Variants in CPD observed in about 807,000 individuals in gnomAD.
The protein encoded by CPD is carboxypeptidase D.
In CPD, 69 loss-of-function variants were observed where a neutral mutation model predicts 138.3. That is an observed-to-expected ratio of 0.50 (90% CI 0.41 to 0.61). The LOEUF (loss-of-function observed/expected upper bound fraction) is 0.61. CPD is among the 20% of genes least tolerant of loss of function. CPD has a pLI of 0.00. For synonymous variants in CPD, 651 were observed against 642.1 expected (o/e 1.01, Z -0.21); for missense variants, 1,432 against 1,733.3 (o/e 0.83, Z 3.09).
chr17:30,412,896 A>G (rs1055428092), intron 2 of CPD, among the ~76,000 whole-genome samples: 3 of 152,158 alleles, frequency 2.0e-5, no homozygotes, highest in African/African-American at 7.2e-5. Flanking sequence ...CCACTGTCCA[A>G]CCAGTCCCAA....
At chr17:30,426,745 T>C (rs928110972) in intron 6 of CPD, among the ~76,000 whole-genome samples, 1 of 152,206 alleles carries the variant, frequency 6.6e-6, no homozygotes, top group Non-Finnish European at 1.5e-5. Context: ...TTGTGACCTT[T>C]CATTAGTTTT....
In CPD at chr17:30,468,059, G is replaced by T. The variant is rs1913688551; in HGVS notation, c.*3245G>T. ...AGCTAAAATTTTGGGGATATGATTT[G>T]GGTCTTTGATTAATGTCAGCTGAAC... On this transcript the variant is annotated 3_prime_UTR_variant, in exon 21 of 21. Coordinates refer to ENST00000225719, the MANE Select transcript of CPD (RefSeq NM_001304.5). 6.6e-6 allele frequency: 1 copy of T among 152,034 alleles called. No homozygotes were observed. Among genetic ancestry groups the T allele is most frequent in the Non-Finnish European group, 1.5e-5 (1 of 67,966 alleles). The allele number at this position is 152,034 out of a possible 1,614,324, so 9.4% of individuals were successfully genotyped here.
At chr17:30,448,740 T>A (rs1275624886) in intron 12 of CPD, among the ~76,000 whole-genome samples, 3 of 152,214 alleles carry the variant, frequency 2.0e-5, no homozygotes, top group African/African-American at 7.2e-5. Flanking sequence ...CTCAAATTAC[T>A]TTTACTGTGA....
chr17:30,406,958 TCCCCCAGTACCCCACCCG>T (rs1368676865), intron 2 of CPD, among the ~76,000 whole-genome samples: 1 of 152,084 alleles, frequency 6.6e-6, no homozygotes, highest in Non-Finnish European at 1.5e-5. Flanking sequence ...ATGCTATCCC[TCCCCCAGTACCCCACCCG>T]CCTACAGGTC....
At chr17:30,419,487 G>A (rs1038807027) in intron 2 of CPD, among the ~76,000 whole-genome samples, 6 of 152,046 alleles carry the variant, frequency 3.9e-5, no homozygotes, top group African/African-American at 1.4e-4. Flanking sequence ...CTACAGGCAC[G>A]TGCCACCACA....
chr17:30,422,822 C>T lies in CPD; in HGVS notation c.1456C>T (p.Leu486Phe). ...TAGCACAGTTGCTATACCTAATATT[C>T]TTTCTGGAACATCATCCTCCTACCA... ...TASTVAIPNILSGTSSSYQPI... is the reference protein window; with the variant it reads ...TASTVAIPNIFSGTSSSYQPI... Residue 486 changes from leucine to phenylalanine, a missense_variant, in exon 5 of 21, where the codon CTT (leucine) becomes TTT (phenylalanine). This residue lies in a region of CPD where 160 missense variants were observed against 197.9 expected (regional missense o/e 0.81). Coordinates refer to ENST00000225719, the MANE Select transcript of CPD (RefSeq NM_001304.5). 1.9e-6 allele frequency: 3 copies of T among 1,614,084 alleles called. No homozygotes were observed. The highest frequency in any genetic ancestry group is 8.5e-7 in the Non-Finnish European group (1 of 1,179,948).
At chr17:30,397,976 G>A (rs1436252390) in intron 2 of CPD, among the ~76,000 whole-genome samples, 3 of 147,832 alleles carry the variant, frequency 2.0e-5, no homozygotes, top group South Asian at 2.1e-4. Context: ...CCAGGAGTTC[G>A]AGACCAGCCT....
chr17:30,439,591 A>ATATT (rs1912805355), intron 9 of CPD, among the ~76,000 whole-genome samples: 1 of 113,932 alleles, frequency 8.8e-6, no homozygotes, highest in African/African-American at 3.5e-5. Context: ...CCAGAGTGTG[A>ATATT]TATTCCCTTT....
At chr17:30,421,323 A>G (rs1249911658) in intron 3 of CPD, among the ~76,000 whole-genome samples, 2 of 152,164 alleles carry the variant, frequency 1.3e-5, no homozygotes, top group African/African-American at 2.4e-5. Flanking sequence ...CTTTACCACT[A>G]TATGAACCAT....
chr17:30,435,697 T>C (rs1171843179), intron 8 of CPD, among the ~76,000 whole-genome samples: 2 of 152,210 alleles, frequency 1.3e-5, no homozygotes, highest in African/African-American at 4.8e-5. Context: ...CTGTATTTGT[T>C]TCCTAGTTCT....
intron 2 of CPD, among the ~76,000 whole-genome samples, chr17:30,406,293 GTC>G (rs1911799816): frequency 6.6e-6 from 1 of 152,006 alleles, no homozygotes; most frequent in African/African-American, 2.4e-5. Flanking sequence ...AAAGAGGCTT[GTC>G]TCCATGAATC....
chr17:30,423,330 G>C (rs184364981), intron 5 of CPD, among the ~76,000 whole-genome samples, 176 bp from the exon 6 acceptor site: 1 of 152,108 alleles, frequency 6.6e-6, no homozygotes, highest in Non-Finnish European at 1.5e-5. Context: ...TCAGACATAT[G>C]TATTAGTAAG....
chr17:30,449,474 T>C (rs1913109762), intron 12 of CPD, 79 bp from the exon 13 acceptor site: 1 of 1,295,340 alleles, frequency 7.7e-7, no homozygotes, highest in Non-Finnish European at 1.1e-6. Context: ...TGTTTTCATT[T>C]CTATTTTTAA....
At chr17:30,381,099 G>C (rs1355200061) in intron 1 of CPD, among the ~76,000 whole-genome samples, 3 of 152,138 alleles carry the variant, frequency 2.0e-5, no homozygotes, top group Admixed American at 1.3e-4. Context: ...TACTCCTCTT[G>C]ATAAGCTCTC....
chr17:30,456,125 T>C (rs911652130), intron 15 of CPD, 131 bp from the exon 16 acceptor site: 2 of 642,348 alleles, frequency 3.1e-6, no homozygotes, highest in South Asian at 4.0e-5. Flanking sequence ...GGGTTAATTA[T>C]AGTAACAGTA....
chr17:30,422,700 T>C lies in CPD; in HGVS notation c.1334T>C (p.Val445Ala). The change falls in exon 5 of 21, where the codon GTA becomes GCA. Residue 445 changes from valine to alanine, a missense_variant. Transcript: ENST00000225719. Reference protein sequence around the residue: ...TGYMPLTVTNVVVKEGPATEV... With the variant: ...TGYMPLTVTNAVVKEGPATEV... ...TATATGCCATTGACTGTTACTAATG[T>C]AGTGGTGAAAGAAGGACCAGCCACA... is the stretch of plus-strand genomic sequence containing the variant. The C allele has an allele frequency of 6.2e-7, 1 of 1,613,142 alleles. No individual in the cohort carries two copies. The highest frequency in any genetic ancestry group is 8.5e-7 in the Non-Finnish European group (1 of 1,179,498).
chr17:30,442,764 C>T (rs371178696), intron 10 of CPD, among the ~76,000 whole-genome samples: 3 of 152,110 alleles, frequency 2.0e-5, no homozygotes, highest in South Asian at 4.1e-4. Flanking sequence ...ATTGGATACA[C>T]ACCTAATCAT....
chr17:30,395,194 T>A (rs1567867077), intron 2 of CPD, among the ~76,000 whole-genome samples: 1 of 148,884 alleles, frequency 6.7e-6, no homozygotes, highest in East Asian at 2.0e-4. Flanking sequence ...AACAGATGGG[T>A]GCTTTTTTTT....
intron 2 of CPD, among the ~76,000 whole-genome samples, chr17:30,406,291 T>C (rs1330489659): frequency 6.6e-6 from 1 of 152,150 alleles, no homozygotes; most frequent in Non-Finnish European, 1.5e-5. Context: ...TAAAAGAGGC[T>C]TGTCTCCATG....
Sources: allele counts gnomAD v4.1 joint callset (sites outside exome capture counted in the v4.1 genomes callset), GRCh38; gene constraint gnomAD v4.1.1; regional missense constraint gnomAD v4.1.1; transcripts MANE v1.5; gene names NCBI Gene and HGNC (gene_info 2026-07-23, HGNC 2026-07-21).